The following TMEFF1 variants were observed in gnomAD, a reference collection of about 807,000 sequenced individuals.
TMEFF1 encodes the protein transmembrane protein with EGF like and two follistatin like domains 1.
Under a neutral mutation model 47.5 loss-of-function variants are expected in TMEFF1, and 20 were observed. The observed-to-expected ratio is 0.42, with a 90% CI of 0.30 to 0.61. The LOEUF is 0.61. Among genes scored for constraint, TMEFF1 ranks in the 20% least tolerant of loss-of-function variants. The pLI, the probability that TMEFF1 is intolerant of heterozygous loss-of-function variation, is 0.19. For missense variants in TMEFF1, 411 were observed against 471.1 expected, an observed-to-expected ratio of 0.87 and a Z score of 1.18; for synonymous variants, 162 against 166.3, an observed-to-expected ratio of 0.97 and a Z score of 0.20.
At chr9:100,484,606 G>A (rs184132269) in intron 1 of TMEFF1, among the ~76,000 whole-genome samples, 3 of 149,306 alleles carry the variant, frequency 2.0e-5, no homozygotes, top group East Asian at 2.0e-4. Context: ...GGTGTGAGCC[G>A]CCGCGCCTGG....
intron 2 of TMEFF1, among the ~76,000 whole-genome samples, chr9:100,503,581 T>C (rs915933919): frequency 6.9e-6 from 1 of 145,898 alleles, no homozygotes; most frequent in African/African-American, 2.6e-5. Context: ...CACACACGAA[T>C]GTGAGAGCGA....
intron 5 of TMEFF1, among the ~76,000 whole-genome samples, chr9:100,523,576 G>T (rs190510082): frequency 4.6e-5 from 7 of 152,260 alleles, no homozygotes; most frequent in Admixed American, 3.9e-4. Flanking sequence ...TAATATGTGT[G>T]AAAAAGACTA....
intron 1 of TMEFF1, among the ~76,000 whole-genome samples, chr9:100,476,166 C>G (rs1252187789): frequency 6.6e-6 from 1 of 152,094 alleles, no homozygotes; most frequent in Non-Finnish European, 1.5e-5. Context: ...ATAACTGGGT[C>G]TAAAGCTAGA....
chr9:100,519,269 G>A (rs1450942543), intron 5 of TMEFF1, among the ~76,000 whole-genome samples: 1 of 151,994 alleles, frequency 6.6e-6, no homozygotes, highest in Non-Finnish European at 1.5e-5. Context: ...TTAGCTGGGT[G>A]TGGTGGCATG....
At chr9:100,484,828 T>G (rs1837418961) in intron 1 of TMEFF1, among the ~76,000 whole-genome samples, 1 of 151,488 alleles carries the variant, frequency 6.6e-6, no homozygotes, top group African/African-American at 2.4e-5. Flanking sequence ...CAGGTGCCTG[T>G]CACTGCGCCT....
chr9:100,521,462 T>C (rs1014886956), intron 5 of TMEFF1, among the ~76,000 whole-genome samples: 2 of 152,220 alleles, frequency 1.3e-5, no homozygotes, highest in Admixed American at 6.5e-5. Context: ...AAACAGTGCA[T>C]AGACTTCCTA....
chr9:100,529,047 A>AT (rs1353972330), intron 5 of TMEFF1, among the ~76,000 whole-genome samples: 2 of 150,202 alleles, frequency 1.3e-5, no homozygotes, highest in Non-Finnish European at 3.0e-5. Context: ...ATGCTGAGAG[A>AT]TTTTGTCACC....
chr9:100,510,263 A>G (rs1270730028), intron 3 of TMEFF1, among the ~76,000 whole-genome samples: 5 of 152,192 alleles, frequency 3.3e-5, no homozygotes, highest in African/African-American at 1.2e-4. Flanking sequence ...GACAGCTGTT[A>G]TATGCGTGGT....
intron 7 of TMEFF1, among the ~76,000 whole-genome samples, chr9:100,556,849 C>A (rs1394708654): frequency 6.6e-6 from 1 of 151,970 alleles, no homozygotes; most frequent in South Asian, 2.1e-4. Context: ...TATGTACTAA[C>A]CTTCTTATTT....
At chr9:100,558,061 A>G (rs1192475054) in intron 7 of TMEFF1, among the ~76,000 whole-genome samples, 1 of 152,060 alleles carries the variant, frequency 6.6e-6, no homozygotes, top group Non-Finnish European at 1.5e-5. Flanking sequence ...CATTCAGTAT[A>G]TGTTTATTGG....
chr9:100,509,234 G>T (rs1323551825), intron 3 of TMEFF1, 100 bp downstream of exon 3: 2 of 1,352,836 alleles, frequency 1.5e-6, no homozygotes, highest in Non-Finnish European at 9.5e-7. Flanking sequence ...ACTGCTGTGT[G>T]GATTGGTGGT....
intron 5 of TMEFF1, among the ~76,000 whole-genome samples, chr9:100,531,228 T>C (rs992377244): frequency 6.6e-6 from 1 of 152,146 alleles, no homozygotes; most frequent in Non-Finnish European, 1.5e-5. Context: ...TGTTGGAAGT[T>C]CTGGCCAGGG....
intron 7 of TMEFF1, among the ~76,000 whole-genome samples, chr9:100,551,488 A>G (rs1182062489): frequency 1.3e-5 from 2 of 152,206 alleles, no homozygotes; most frequent in African/African-American, 4.8e-5. Context: ...TATTCACTAT[A>G]TTGATAGTAC....
intron 3 of TMEFF1, among the ~76,000 whole-genome samples, chr9:100,512,239 T>C (rs1413904682): frequency 6.6e-6 from 1 of 152,232 alleles, no homozygotes; most frequent in Admixed American, 6.5e-5. Context: ...AGAGAAAATG[T>C]CATTTTGTGG....
chr9:100,499,902 C>A (rs1345327098), intron 2 of TMEFF1, among the ~76,000 whole-genome samples: 1 of 152,082 alleles, frequency 6.6e-6, no homozygotes, highest in Non-Finnish European at 1.5e-5. Context: ...TACTGTTGTC[C>A]AGCCAGTTTC....
chr9:100,576,277 C>T (rs1839351499), intron 9 of TMEFF1, among the ~76,000 whole-genome samples: 1 of 152,056 alleles, frequency 6.6e-6, no homozygotes, highest in Admixed American at 6.6e-5. Flanking sequence ...TTTGCTTGTG[C>T]CAGTACCTAT....
At chr9:100,482,867 C>T (rs1401259365) in intron 1 of TMEFF1, among the ~76,000 whole-genome samples, 2 of 152,074 alleles carry the variant, frequency 1.3e-5, no homozygotes, top group Non-Finnish European at 2.9e-5. Flanking sequence ...CTGTATTGTT[C>T]TTCTTTTTAA....
At chr9:100,523,303 C>G (rs1426473506) in intron 5 of TMEFF1, among the ~76,000 whole-genome samples, 3 of 152,160 alleles carry the variant, frequency 2.0e-5, no homozygotes, top group African/African-American at 4.8e-5. Context: ...ATAAGCCTAC[C>G]TTGCGTTCTC....
chr9:100,550,432 T>C (rs551496912), intron 7 of TMEFF1, among the ~76,000 whole-genome samples: 41 of 152,128 alleles, frequency 2.7e-4, no homozygotes, highest in Admixed American at 1.2e-3. Context: ...TACAGAAAGA[T>C]CTCTCAATAT....
Sources: allele counts gnomAD v4.1 joint callset (sites outside exome capture counted in the v4.1 genomes callset), GRCh38; gene constraint gnomAD v4.1.1; transcripts MANE v1.5; gene names NCBI Gene and HGNC (gene_info 2026-07-23, HGNC 2026-07-21).